Variants in MLXIP observed in about 807,000 individuals in gnomAD.
MLXIP encodes the protein MLX-interacting protein.
In MLXIP, 30 loss-of-function variants were observed where a neutral mutation model predicts 87.2. That is an observed-to-expected ratio of 0.34 (90% CI 0.26 to 0.47). The LOEUF (loss-of-function observed/expected upper bound fraction) is 0.47, where lower values mean the gene tolerates loss of function less well. Ranked by LOEUF, MLXIP falls within the 20% of genes least tolerant of loss-of-function variation. The pLI is 1.00. For synonymous variants in MLXIP, 530 were observed against 514.0 expected (o/e 1.03, Z -0.42); for missense variants, 1,002 against 1,240.1 (o/e 0.81, Z 2.88).
chr12:122,079,174 C>T lies in MLXIP; in HGVS notation c.321C>T (p.Cys107=), dbSNP rs1195610111. 2 of 1,551,250 alleles carry T rather than the reference C, an allele frequency of 1.3e-6. No homozygotes were observed. The highest frequency in any genetic ancestry group is 2.4e-5 in the South Asian group (2 of 84,048). Reference sequence around the variant, plus strand: ...TCGACACGGTCAACAAACAGACGTGCCAGACCTACAGCTTCGGCAAGACTA... The same window carrying T: ...TCGACACGGTCAACAAACAGACGTGTCAGACCTACAGCTTCGGCAAGACTA... ...YDFDTVNKQT[C]QTYSFGKTSS... is the part of the protein sequence containing the mutation. Residue 107 remains cysteine, a synonymous_variant, in exon 1 of 17, where the codon TGC becomes TGT. Transcript: ENST00000319080.
intron 1 of MLXIP, among the ~76,000 whole-genome samples, chr12:122,115,086 A>G (rs1952668867): frequency 6.6e-6 from 1 of 151,904 alleles, no homozygotes; most frequent in African/African-American, 2.4e-5. Context: ...TATCACCAAA[A>G]TGTAACAGGT....
At chr12:122,094,722 G>A (rs1952321462) in intron 1 of MLXIP, among the ~76,000 whole-genome samples, 1 of 147,592 alleles carries the variant, frequency 6.8e-6, no homozygotes, top group Admixed American at 6.8e-5. Flanking sequence ...TGTATGTGTG[G>A]TGTGTTGGCA....
chr12:122,102,723 G>A (rs1952454964), intron 1 of MLXIP, among the ~76,000 whole-genome samples: 1 of 152,218 alleles, frequency 6.6e-6, no homozygotes, highest in Non-Finnish European at 1.5e-5. Context: ...ATATTATTCA[G>A]TGGCAAACAG....
intron 15 of MLXIP, 167 bp downstream of exon 15, chr12:122,139,105 CCTG>C (rs1953150655): frequency 1.5e-6 from 1 of 678,288 alleles, no homozygotes; most frequent in Non-Finnish European, 1.8e-6. Flanking sequence ...TCCGGCCTGG[CCTG>C]CTGTGTGGGC....
rs1230036073 is a variant in MLXIP at position 122,145,498 on chromosome 12, TACAC to T, written c.*3689_*3692del. On this transcript the variant is annotated 3_prime_UTR_variant, in exon 17 of 17. Coordinates refer to ENST00000319080, the MANE Select transcript of MLXIP (RefSeq NM_014938.6). ...TGTCTGTTGCTGACGTTGGGGGGCTTACACACCCACCTCATCTCCGTGCACAGCC... is the reference window on the plus strand; with the variant it reads ...TGTCTGTTGCTGACGTTGGGGGGCTTACCCACCTCATCTCCGTGCACAGCC... 6.6e-6 allele frequency: 1 copy of T among 152,296 alleles called. No individual in the cohort carries two copies. Among genetic ancestry groups the T allele is most frequent in the Non-Finnish European group, 1.5e-5 (1 of 68,126 alleles). The allele number at this position is 152,296 out of a possible 1,614,324, so 9.4% of individuals were successfully genotyped here.
intron 3 of MLXIP, chr12:122,128,244 C>A (rs1952913909): frequency 7.8e-6 from 3 of 384,770 alleles, no homozygotes; most frequent in South Asian, 7.5e-5. Context: ...TGTGATTATA[C>A]ATGCACAGGA....
intron 9 of MLXIP, 59 bp downstream of exon 9, chr12:122,134,046 C>A: frequency 6.6e-7 from 1 of 1,510,196 alleles, no homozygotes; most frequent in South Asian, 1.3e-5. Context: ...GATGTTTTCC[C>A]ATCCCAAAGG....
intron 1 of MLXIP, among the ~76,000 whole-genome samples, chr12:122,085,386 A>G (rs1251581245): frequency 6.6e-6 from 1 of 151,860 alleles, no homozygotes; most frequent in Non-Finnish European, 1.5e-5. Context: ...CTGGAAGCCA[A>G]CTTTATAATC....
intron 1 of MLXIP, among the ~76,000 whole-genome samples, 178 bp from the exon 2 acceptor site, chr12:122,127,078 G>A (rs1432893036): frequency 6.6e-6 from 1 of 152,114 alleles, no homozygotes; most frequent in Non-Finnish European, 1.5e-5. Context: ...TCCCCACCAT[G>A]CCCTGCCCTG....
At position 122,130,833 on chromosome 12, in the gene MLXIP, G is replaced by T; in HGVS notation, c.911-11G>T. On this transcript the variant is annotated splice_polypyrimidine_tract_variant and intron_variant, in intron 6 of 16. Transcript: ENST00000319080. ...AAGACAAAATGGTTCCTCTCTCTGT[G>T]ATTCTTGCAGCACATCTGGGAAATG... 2 of 1,604,726 alleles carry T rather than the reference G, an allele frequency of 1.2e-6. No homozygotes were observed. The highest frequency in any genetic ancestry group is 8.5e-7 in the Non-Finnish European group (1 of 1,171,594).
At chr12:122,094,369 A>C (rs1368898704) in intron 1 of MLXIP, among the ~76,000 whole-genome samples, 1 of 86,940 alleles carries the variant, frequency 1.2e-5, no homozygotes, top group African/African-American at 4.7e-5. Context: ...CGGTGGGTGT[A>C]TGTTTGCAGT....
chr12:122,107,297 T>C (rs1185538381), intron 1 of MLXIP, among the ~76,000 whole-genome samples: 4 of 152,088 alleles, frequency 2.6e-5, no homozygotes, highest in Non-Finnish European at 5.9e-5. Flanking sequence ...CTGCCTGTGC[T>C]GTCGCTCTTG....
chr12:122,083,124 C>T (rs1952115770), intron 1 of MLXIP, among the ~76,000 whole-genome samples: 1 of 152,150 alleles, frequency 6.6e-6, no homozygotes, highest in South Asian at 2.1e-4. Context: ...CCAGCCCCCA[C>T]CTACAGATTC....
Position 122,137,696 on chromosome 12 carries a change from T to G in MLXIP, c.2154+106T>G, listed in dbSNP as rs1953119304. ...CGGAGACCTCAGACCCAGCCAGAGC[T>G]GCCCAGGCAGGGGTGGATCAGAAAT... On this transcript the variant is annotated intron_variant, in intron 12 of 16. Transcript: ENST00000319080. This position sits in a 1 kb window ranked among gnomAD's most constrained non-coding sequence, Gnocchi z 4.1. The G allele has an allele frequency of 6.5e-7, 1 of 1,527,302 alleles. No homozygotes were observed. The highest frequency in any genetic ancestry group is 2.3e-5 in the East Asian group (1 of 44,062). 94.6% of individuals were successfully genotyped at this position (1,527,302 alleles called of 1,614,324 possible).
At position 122,121,010 on chromosome 12, in the gene MLXIP, G is replaced by GTT. The variant is rs1233404015; in HGVS notation, c.414-6229_414-6228dup. Among the ~76,000 whole-genome samples the GTT allele has an allele frequency of 6.0e-4, 67 of 111,910 alleles. 1 individual carries two copies. Among genetic ancestry groups the GTT allele is most frequent in the East Asian group, 2.6e-3 (8 of 3,132 alleles). 73.4% of individuals were successfully genotyped at this position (111,910 alleles called of 152,430 possible). A position where few individuals can be genotyped will look rare whatever the true frequency, so the allele number is the denominator to read the frequency against. On this transcript the variant is annotated intron_variant, in intron 1 of 16. Transcript: ENST00000319080. ...AGCCCCAGAGCCCTCTGCATGCTTGGTTTTTTTTTTTTTTTTTTGAAACGG... is the reference window on the plus strand; with the variant it reads ...AGCCCCAGAGCCCTCTGCATGCTTGGTTTTTTTTTTTTTTTTTTTTGAAACGG...
intron 1 of MLXIP, among the ~76,000 whole-genome samples, chr12:122,125,853 G>T (rs1323150333): frequency 1.3e-5 from 2 of 152,216 alleles, no homozygotes; most frequent in Non-Finnish European, 2.9e-5. Context: ...TTTGGGTGGG[G>T]ATAGGCACAA....
At chr12:122,102,463 A>T (rs1051281236) in intron 1 of MLXIP, among the ~76,000 whole-genome samples, 2 of 152,156 alleles carry the variant, frequency 1.3e-5, no homozygotes. Flanking sequence ...GCTGGTGGGA[A>T]TGTACAATGG....
At chr12:122,090,846 G>GA (rs1168061242) in intron 1 of MLXIP, among the ~76,000 whole-genome samples, 5 of 152,192 alleles carry the variant, frequency 3.3e-5, no homozygotes, top group Non-Finnish European at 5.9e-5. Context: ...CGCTGCACTA[G>GA]GTGAAAGAAG....
chr12:122,104,575 C>CTTTTT (rs751931978), intron 1 of MLXIP, among the ~76,000 whole-genome samples: 1,552 of 91,172 alleles, frequency 0.017, no homozygotes, highest in Non-Finnish European at 0.022. Flanking sequence ...ATTACCTTTT[C>CTTTTT]TTTTTTTTTT....
Sources: allele counts gnomAD v4.1 joint callset (sites outside exome capture counted in the v4.1 genomes callset), GRCh38; gene constraint gnomAD v4.1.1; non-coding constraint Gnocchi (gnomAD v3.1); transcripts MANE v1.5; gene names NCBI Gene and HGNC (gene_info 2026-07-23, HGNC 2026-07-21).